The following KCNB2 variants were observed in gnomAD, a reference collection of about 807,000 sequenced individuals.
KCNB2 encodes the protein delayed rectifier potassium channel protein.
Under a neutral mutation model 61.5 loss-of-function variants are expected in KCNB2, and 15 were observed. The observed-to-expected ratio is 0.24, with a 90% CI of 0.16 to 0.38. The LOEUF (loss-of-function observed/expected upper bound fraction) is 0.38. Ranked by LOEUF, KCNB2 falls within the 10% of genes least tolerant of loss-of-function variation. KCNB2 has a pLI of 1.00. For synonymous variants in KCNB2, 457 were observed against 446.0 expected (o/e 1.02, Z -0.31); for missense variants, 828 against 1,125.2 (o/e 0.74, Z 3.78).
At chr8:72,573,709 A>G (rs1187479038) in intron 2 of KCNB2, among the ~76,000 whole-genome samples, 2 of 80,180 alleles carry the variant, frequency 2.5e-5, no homozygotes, top group Non-Finnish European at 2.7e-5. Flanking sequence ...GTGCAGTGCT[A>G]TCCTCTACAT....
chr8:72,667,169 A>T (rs890199006), intron 2 of KCNB2, among the ~76,000 whole-genome samples: 6 of 152,168 alleles, frequency 3.9e-5, no homozygotes, highest in Non-Finnish European at 7.3e-5. Context: ...CTTTGTGAGG[A>T]TTACCTGGGT....
chr8:72,691,857 A>C (rs1029138191), intron 2 of KCNB2, among the ~76,000 whole-genome samples: 1 of 152,194 alleles, frequency 6.6e-6, no homozygotes. Flanking sequence ...GTTGTTTGTC[A>C]GTGATTTGTG....
At chr8:72,625,653 A>G (rs1805777689) in intron 2 of KCNB2, among the ~76,000 whole-genome samples, 1 of 152,028 alleles carries the variant, frequency 6.6e-6, no homozygotes, top group Non-Finnish European at 1.5e-5. Context: ...CTGGTCTTGA[A>G]CGCTTGGGCT....
intron 1 of KCNB2, among the ~76,000 whole-genome samples, chr8:72,561,719 A>ATG (rs1305031303): frequency 2.1e-4 from 5 of 24,100 alleles, no homozygotes; most frequent in African/African-American, 1.8e-3. Context: ...ATATATATAT[A>ATG]TATATATATC....
Position 72,936,801 on chromosome 8 carries a change from C to G in KCNB2, c.1446C>G (p.Ala482=), listed in dbSNP as rs537263702. Residue 482 remains alanine (A), a synonymous_variant, in exon 3 of 3, where the codon GCC becomes GCG. Transcript: ENST00000523207. The surrounding 1 kb of genome is among the most constrained non-coding windows in gnomAD (Gnocchi z 5.6). ...AGTCCGCCAACACAAAGGACTCCGC[C>G]GACGATAATCACCTGTCGCCAAGCC... ...AGESANTKDS[A]DDNHLSPSRW... is the part of the protein sequence containing the mutation. 3 of 1,614,084 alleles carry G rather than the reference C, an allele frequency of 1.9e-6. No homozygotes were observed. In the South Asian group the frequency reaches 3.3e-5, roughly 18 times the overall value.
intron 2 of KCNB2, among the ~76,000 whole-genome samples, chr8:72,626,667 A>G (rs1805794828): frequency 6.6e-6 from 1 of 152,226 alleles, no homozygotes; most frequent in African/African-American, 2.4e-5. Context: ...AGAAAGCCTA[A>G]GACACATACG....
chr8:72,676,354 C>T (rs542697161), intron 2 of KCNB2, among the ~76,000 whole-genome samples: 76 of 152,018 alleles, frequency 5.0e-4, no homozygotes, highest in Admixed American at 1.2e-3. Flanking sequence ...TTAAAATCCA[C>T]GTGCAGTATT....
intron 2 of KCNB2, among the ~76,000 whole-genome samples, chr8:72,859,736 T>TTTTTTTTGTTTG (rs1810267452): frequency 8.2e-6 from 1 of 121,744 alleles, no homozygotes; most frequent in African/African-American, 2.9e-5. Flanking sequence ...TTTTTTTTTT[T>TTTTTTTTGTTTG]GAGATGGAGT....
chr8:72,599,889 A>G (rs2128982369), intron 2 of KCNB2, among the ~76,000 whole-genome samples: 1 of 152,360 alleles, frequency 6.6e-6, no homozygotes, highest in East Asian at 1.9e-4. Flanking sequence ...AATCAAAACC[A>G]CAATGAGATA....
At chr8:72,799,354 G>T (rs564147696) in intron 2 of KCNB2, among the ~76,000 whole-genome samples, 1 of 151,934 alleles carries the variant, frequency 6.6e-6, no homozygotes, top group South Asian at 2.1e-4. Flanking sequence ...CAATAAATAC[G>T]CATTAAGGAC....
At chr8:72,758,996 G>A (rs975531305) in intron 2 of KCNB2, among the ~76,000 whole-genome samples, 7 of 152,176 alleles carry the variant, frequency 4.6e-5, no homozygotes, top group African/African-American at 1.7e-4. Context: ...ATAAAATCAT[G>A]CCAATATTTT....
chr8:72,830,791 C>T (rs2129001828), intron 2 of KCNB2, among the ~76,000 whole-genome samples: 1 of 152,264 alleles, frequency 6.6e-6, no homozygotes, highest in South Asian at 2.1e-4. Context: ...ACCCAGGTGA[C>T]ATCTTTTATC....
At chr8:72,825,821 C>T (rs1032563108) in intron 2 of KCNB2, among the ~76,000 whole-genome samples, 2 of 152,128 alleles carry the variant, frequency 1.3e-5, no homozygotes, top group African/African-American at 4.8e-5. Context: ...ACATGATTTG[C>T]TAATATATTC....
chr8:72,776,306 T>C (rs1808651220), intron 2 of KCNB2, among the ~76,000 whole-genome samples: 1 of 151,780 alleles, frequency 6.6e-6, no homozygotes, highest in Non-Finnish European at 1.5e-5. Flanking sequence ...GTGTAAATGA[T>C]GAGTTAATGG....
chr8:72,867,535 T>C (rs552389156), intron 2 of KCNB2, among the ~76,000 whole-genome samples: 1 of 152,322 alleles, frequency 6.6e-6, no homozygotes, highest in South Asian at 2.1e-4. Flanking sequence ...TTGTTGATAA[T>C]AAACAATGGC....
At chr8:72,875,482 T>G (rs896207289) in intron 2 of KCNB2, among the ~76,000 whole-genome samples, 2 of 152,138 alleles carry the variant, frequency 1.3e-5, no homozygotes, top group African/African-American at 4.8e-5. Context: ...AATGATCAGA[T>G]GTATGATCAT....
At chr8:72,663,781 G>A (rs1467634708) in intron 2 of KCNB2, among the ~76,000 whole-genome samples, 1 of 152,040 alleles carries the variant, frequency 6.6e-6, no homozygotes, top group African/African-American at 2.4e-5. Flanking sequence ...AAAAAGGATG[G>A]TATTTACACT....
chr8:72,804,831 T>C (rs1439638155), intron 2 of KCNB2, among the ~76,000 whole-genome samples: 1 of 152,154 alleles, frequency 6.6e-6, no homozygotes, highest in Non-Finnish European at 1.5e-5. Context: ...TTCTTAGAGC[T>C]GGGGCAGAGG....
intron 2 of KCNB2, among the ~76,000 whole-genome samples, chr8:72,601,097 A>G (rs1805344495): frequency 6.6e-6 from 1 of 152,088 alleles, no homozygotes; most frequent in South Asian, 2.1e-4. Flanking sequence ...AAAGGGTATC[A>G]GCAAACTTGT....
Sources: gnomAD v4.1 joint callset for allele counts (sites outside exome capture counted in the v4.1 genomes callset) on GRCh38, gnomAD v4.1.1 for gene constraint, Gnocchi (gnomAD v3.1) non-coding constraint, MANE v1.5 for transcripts, NCBI Gene and HGNC (gene_info 2026-07-23, HGNC 2026-07-21) for gene names.